The following BIN1 variants were observed in gnomAD, a reference collection of about 807,000 sequenced individuals.
BIN1 encodes the protein bridging integrator 1.
BIN1 carries 53 observed loss-of-function variants against 82.0 expected under a neutral mutation model. The ratio of observed to expected loss-of-function variants is 0.65; its 90% CI spans 0.52 to 0.81. The LOEUF (loss-of-function observed/expected upper bound fraction) is 0.81. Among genes scored for constraint, BIN1 ranks in the 40% least tolerant of loss-of-function variants. The pLI is 0.00. For missense variants in BIN1, 642 were observed against 784.4 expected, an observed-to-expected ratio of 0.82 and a Z score of 2.17; for synonymous variants, 302 against 328.0, an observed-to-expected ratio of 0.92 and a Z score of 0.86.
At chr2:127,052,140 C>CCT in intron 15 of BIN1, 115 bp downstream of exon 15, 2 of 1,121,058 alleles carry the variant, frequency 1.8e-6, no homozygotes, top group South Asian at 2.7e-5. Context: ...CTGTCCTCAC[C>CCT]CTCACATCCA....
At position 127,100,877 on chromosome 2, in the gene BIN1, C is replaced by T. The variant is rs540612677; in HGVS notation, c.84+5983G>A. Among the ~76,000 whole-genome samples, 74 of 152,258 alleles carry T rather than the reference C, an allele frequency of 4.9e-4. 2 individuals carry two copies. The South Asian group carries it at 0.014, about 29-fold the overall frequency. ...GGAGCCCCACCTGAGTGGGCAGCCTCTCCAGCACATTTCGATTTCGTCTTC... is the reference window on the plus strand; with the variant it reads ...GGAGCCCCACCTGAGTGGGCAGCCTTTCCAGCACATTTCGATTTCGTCTTC... On this transcript the variant is annotated intron_variant, in intron 1 of 18. Transcript: ENST00000316724.
intron 2 of BIN1, 27 bp downstream of exon 2, chr2:127,076,599 C>T (rs759293155): frequency 7.4e-6 from 12 of 1,613,856 alleles, no homozygotes; most frequent in Non-Finnish European, 1.0e-5. Flanking sequence ...CACAAACTCC[C>T]TAAGGCCAAG....
At position 127,053,241 on chromosome 2, in the gene BIN1, G is replaced by T. The variant is rs559349891; in HGVS notation, c.1263+181C>A. On this transcript the variant is annotated intron_variant, in intron 14 of 18. Coordinates refer to ENST00000316724, the MANE Select transcript of BIN1 (RefSeq NM_139343.3). The stretch of plus-strand genomic sequence containing the variant: ...GGGCCTGCCAGAGGGAGAAGCAGCA[G>T]AATGGCTGGAGGCGGGTGGCTTCAC... 38 of 831,748 alleles carry T rather than the reference G, an allele frequency of 4.6e-5. No homozygotes were observed. In the African/African-American group the frequency reaches 6.4e-4, roughly 14 times the overall value. The allele number at this position is 831,748 out of a possible 1,614,324, so 51.5% of individuals were successfully genotyped here.
intron 11 of BIN1, among the ~76,000 whole-genome samples, chr2:127,058,580 G>A (rs908571444): frequency 2.6e-5 from 4 of 152,102 alleles, no homozygotes; most frequent in Non-Finnish European, 4.4e-5. Flanking sequence ...TAAAGGTCCT[G>A]CATGGCCACC....
chr2:127,096,804 T>C (rs1318597485), intron 1 of BIN1, among the ~76,000 whole-genome samples: 1 of 152,202 alleles, frequency 6.6e-6, no homozygotes, highest in Non-Finnish European at 1.5e-5. Flanking sequence ...GAAGGGCCCC[T>C]GCTTGCCCTG....
chr2:127,087,976 C>T lies in BIN1; in HGVS notation c.85-11270G>A, dbSNP rs141701634. On this transcript the variant is annotated intron_variant, in intron 1 of 18. Transcript: ENST00000316724. ...TACGCCCACCCAGACCATCATCAAG[C>T]GCCCAGCCAGCTGCCCAGGCCTCAC... is the stretch of plus-strand genomic sequence containing the variant. 6.8e-4 allele frequency among the ~76,000 whole-genome samples: 104 copies of T among 152,338 alleles called. 1 individual carries two copies. The highest frequency in any genetic ancestry group is 3.4e-3 in the Middle Eastern group (1 of 294).
intron 1 of BIN1, among the ~76,000 whole-genome samples, chr2:127,092,640 G>A (rs929777917): frequency 1.3e-5 from 2 of 152,288 alleles, no homozygotes; most frequent in Non-Finnish European, 1.5e-5. Context: ...CCGCAGCCCC[G>A]GGCAAGTCAC....
intron 1 of BIN1, among the ~76,000 whole-genome samples, chr2:127,085,943 T>A (rs1459141314): frequency 6.6e-6 from 1 of 152,144 alleles, no homozygotes; most frequent in African/African-American, 2.4e-5. Flanking sequence ...GGGGACTCCC[T>A]CCCCATCAAA....
At position 127,048,544 on chromosome 2, in the gene BIN1, G is replaced by A; in HGVS notation, c.1764C>T (p.Phe588=). ...EKCRGVFPEN[F]TERVP ...CCCGCCGTCATGGGACCCTCTCAGTGAAGTTCTCGGGGAAGACGCCACGGC... is the reference window on the plus strand; with the variant it reads ...CCCGCCGTCATGGGACCCTCTCAGTAAAGTTCTCGGGGAAGACGCCACGGC... Residue 588 remains phenylalanine (F), a synonymous_variant, in exon 19 of 19, where the codon TTC becomes TTT. Coordinates refer to ENST00000316724, the MANE Select transcript of BIN1 (RefSeq NM_139343.3). The A allele has an allele frequency of 6.2e-7, 1 of 1,613,986 alleles. No homozygotes were observed. The highest frequency in any genetic ancestry group is 8.5e-7 in the Non-Finnish European group (1 of 1,180,036).
At chr2:127,051,385 G>A (rs1573534546) in intron 15 of BIN1, 142 bp from the exon 16 acceptor site, 3 of 835,142 alleles carry the variant, frequency 3.6e-6, no homozygotes, top group Non-Finnish European at 5.9e-6. Flanking sequence ...GCTGCCCAGT[G>A]CCTCGAAGAA....
At chr2:127,092,093 C>G (rs910304269) in intron 1 of BIN1, among the ~76,000 whole-genome samples, 87 of 152,128 alleles carry the variant, frequency 5.7e-4, no homozygotes, top group African/African-American at 1.9e-3. Context: ...CCACATACCA[C>G]CCTCCACCAC....
chr2:127,060,762 C>T, intron 10 of BIN1: 3 of 1,305,588 alleles, frequency 2.3e-6, no homozygotes, highest in Non-Finnish European at 3.2e-6. Context: ...AAAAGCCTCT[C>T]CTAAGTGCCA....
At chr2:127,053,605 G>A in intron 13 of BIN1, 160 bp from the exon 14 acceptor site, 1 of 982,770 alleles carries the variant, frequency 1.0e-6, no homozygotes, top group Non-Finnish European at 1.6e-6. Context: ...TTTGCAGGTG[G>A]CCGAGCTCCC....
At chr2:127,100,929 G>A (rs1413022534) in intron 1 of BIN1, among the ~76,000 whole-genome samples, 1 of 149,118 alleles carries the variant, frequency 6.7e-6, no homozygotes, top group Non-Finnish European at 1.5e-5. Context: ...CAGAGATCAT[G>A]ACCCCTGTTT....
chr2:127,061,043 C>T (rs1054285187), intron 10 of BIN1, among the ~76,000 whole-genome samples: 11 of 152,136 alleles, frequency 7.2e-5, no homozygotes, highest in Admixed American at 1.3e-4. Flanking sequence ...CTCTTCCCTC[C>T]ACCTCCTTCC....
intron 2 of BIN1, 34 bp downstream of exon 2, chr2:127,076,592 A>C (rs777263940): frequency 1.2e-6 from 2 of 1,613,506 alleles, no homozygotes; most frequent in African/African-American, 1.3e-5. Flanking sequence ...GAATTTTCAC[A>C]AACTCCCTAA....
At chr2:127,055,143 T>C (rs1204315561) in intron 12 of BIN1, 1 of 152,218 alleles carries the variant, frequency 6.6e-6, no homozygotes, top group Admixed American at 6.5e-5. Context: ...CTCTACACAC[T>C]CTTGACAGGC....
At chr2:127,075,227 T>C (rs1471066798) in intron 2 of BIN1, among the ~76,000 whole-genome samples, 1 of 149,860 alleles carries the variant, frequency 6.7e-6, no homozygotes, top group African/African-American at 2.5e-5. Context: ...AAAATGAGAA[T>C]ATCAGCCCCA....
chr2:127,106,900 G>C lies in BIN1; in HGVS notation c.44C>G (p.Ala15Gly). The stretch of plus-strand genomic sequence containing the variant: ...GGTGAGCTTCTTCTGCACGTTGCTG[G>C]CGATCTTTCCCGCCGTCACCCCTTT... ...GSKGVTAGKI[A>G]SNVQKKLTRA... Residue 15 changes from alanine (A) to glycine (G), a missense_variant, in exon 1 of 19, where the codon GCC becomes GGC. By Grantham distance (60) the Ala-to-Gly change is moderately conservative. Coordinates refer to ENST00000316724, the MANE Select transcript of BIN1 (RefSeq NM_139343.3). 2 of 1,612,592 alleles carry C rather than the reference G, an allele frequency of 1.2e-6. No individual in the cohort carries two copies. The highest frequency in any genetic ancestry group is 1.7e-6 in the Non-Finnish European group (2 of 1,179,652).
Sources: allele counts gnomAD v4.1 joint callset (sites outside exome capture counted in the v4.1 genomes callset), GRCh38; gene constraint gnomAD v4.1.1; transcripts MANE v1.5; gene names NCBI Gene and HGNC (gene_info 2026-07-23, HGNC 2026-07-21).